Variants in ZMYM1 observed in about 807,000 individuals in gnomAD.
The protein encoded by ZMYM1 is zinc finger MYM-type containing 1.
A neutral mutation model predicts 60.0 loss-of-function variants in ZMYM1; 39 were observed. That is an observed-to-expected ratio of 0.65 (90% CI 0.50 to 0.85). The LOEUF is 0.85. ZMYM1 is among the 40% of genes least tolerant of loss of function. The probability of loss-of-function intolerance (pLI) is 0.00; values close to 1 mark genes in which losing one functional copy is unlikely to be tolerated. For synonymous variants in ZMYM1, 413 were observed against 454.0 expected (o/e 0.91, Z 1.15); for missense variants, 1,171 against 1,309.5 (o/e 0.89, Z 1.63).
chr1:35,105,877 G>A (rs977616843), intron 6 of ZMYM1, among the ~76,000 whole-genome samples: 2 of 152,162 alleles, frequency 1.3e-5, no homozygotes, highest in Non-Finnish European at 2.9e-5. Context: ...AAGGTGCTGG[G>A]ATTACAGATG....
In ZMYM1 at chr1:35,112,992, C is replaced by A. The variant is rs751732524; in HGVS notation, c.1162C>A (p.Pro388Thr). Residue 388 changes from proline (P) to threonine (T), a missense_variant, in exon 10 of 10, where the codon CCT becomes ACT. By Grantham distance (38) the Pro-to-Thr change is conservative. Transcript: ENST00000359858. ...TCTCCCAAAGCTTTCTAAGAGTTCACCTAGTGAACCCAGTAATGCTGTTGC... is the reference window on the plus strand; with the variant it reads ...TCTCCCAAAGCTTTCTAAGAGTTCAACTAGTGAACCCAGTAATGCTGTTGC... ...DVIVDLSKSSPSEPSNAVASS... is the reference protein window; with the variant it reads ...DVIVDLSKSSTSEPSNAVASS... 12 of 1,561,050 alleles carry A rather than the reference C, an allele frequency of 7.7e-6. No homozygotes were observed. Among genetic ancestry groups the A allele is most frequent in the African/African-American group, 1.4e-5 (1 of 72,558 alleles).
upstream of ZMYM1, among the ~76,000 whole-genome samples, chr1:35,077,841 T>C (rs748228640): frequency 1.3e-5 from 2 of 152,232 alleles, no homozygotes; most frequent in Admixed American, 6.5e-5. Context: ...CACAGCTGGC[T>C]CTGCGTGAAT....
At chr1:35,073,250 CAAA>C (rs71029061) in intron 1 of ZMYM1, among the ~76,000 whole-genome samples, 16 of 69,212 alleles carry the variant, frequency 2.3e-4, no homozygotes, top group Admixed American at 3.6e-4. Flanking sequence ...AACACTCTGT[CAAA>C]AAAAAAAAAA....
chr1:35,107,291 G>A (rs1238095558), intron 6 of ZMYM1, among the ~76,000 whole-genome samples: 1 of 145,064 alleles, frequency 6.9e-6, no homozygotes, highest in Non-Finnish European at 1.5e-5. Context: ...AAACCCCATC[G>A]TTACTAAAAA....
intron 1 of ZMYM1, among the ~76,000 whole-genome samples, chr1:35,086,688 T>G (rs189958247): frequency 6.6e-6 from 1 of 152,162 alleles, no homozygotes; most frequent in Admixed American, 6.6e-5. Context: ...AAAATTCTTT[T>G]TTTTTCTTTT....
Position 35,112,018 on chromosome 1 carries a change from A to C in ZMYM1, c.1103-69A>C, listed in dbSNP as rs993046628. ...TTTGTTTCTTATATGAAATAAGCAAATATAGTTTATGATGCTATTTTATAG... is the reference window on the plus strand; with the variant it reads ...TTTGTTTCTTATATGAAATAAGCAACTATAGTTTATGATGCTATTTTATAG... On this transcript the variant is annotated intron_variant, in intron 8 of 9. Transcript: ENST00000359858. 1.9e-6 allele frequency: 3 copies of C among 1,561,932 alleles called. No homozygotes were observed. The African/African-American group carries it at 4.1e-5, about 22-fold the overall frequency.
At chr1:35,066,593 A>G (rs1641976122) in intron 1 of ZMYM1, among the ~76,000 whole-genome samples, 1 of 152,240 alleles carries the variant, frequency 6.6e-6, no homozygotes, top group African/African-American at 2.4e-5. Flanking sequence ...GTATGCTGAA[A>G]GGAATAATGA....
Position 35,112,088 on chromosome 1 carries a change from TAC to T in ZMYM1, c.1106_1107del (p.Thr369SerfsTer16). 6.2e-7 allele frequency: 1 copy of T among 1,613,070 alleles called. No individual in the cohort carries two copies. The highest frequency in any genetic ancestry group is 8.5e-7 in the Non-Finnish European group (1 of 1,179,514). On this transcript the variant is annotated frameshift_variant and splice_region_variant, in exon 9 of 10. Transcript: ENST00000359858. LOFTEE classifies it low-confidence loss of function (END_TRUNC). The part of the protein sequence containing the change: ...PIMNTDVLQD[T>X]VSSVTATADV... ...TGAATTTATGCTCTATTTTAACAGA[TAC>T]AGTTTCTTCAGTAACAGCAACAGCA... is the stretch of plus-strand genomic sequence containing the variant.
intron 1 of ZMYM1, among the ~76,000 whole-genome samples, chr1:35,079,814 C>CA (rs987538331): frequency 6.6e-6 from 1 of 152,074 alleles, no homozygotes; most frequent in Non-Finnish European, 1.5e-5. Context: ...AGTGATTTTT[C>CA]AAAAGTTTGA....
chr1:35,093,477 A>T (rs999215270), intron 1 of ZMYM1: 1 of 152,356 alleles, frequency 6.6e-6, no homozygotes, highest in South Asian at 2.1e-4. Context: ...TTTTTGTATT[A>T]GTAGAGATGG....
chr1:35,114,877 T>G lies in ZMYM1; in HGVS notation c.3047T>G (p.Phe1016Cys). ...ACAACAGCAAAACATGTTCAGGAAT[T>G]TTATAAACTTGATGAGGACATTATC... ...NETTAKHVQE[F>C]YKLDEDIIPE... Residue 1016 changes from phenylalanine to cysteine, a missense_variant, in exon 10 of 10, where the codon TTT (phenylalanine) becomes TGT (cysteine). Coordinates refer to ENST00000359858, the MANE Select transcript of ZMYM1 (RefSeq NM_024772.5). The G allele has an allele frequency of 6.2e-7, 1 of 1,606,542 alleles. No individual in the cohort carries two copies. The highest frequency in any genetic ancestry group is 1.1e-5 in the South Asian group (1 of 89,902).
intron 1 of ZMYM1, among the ~76,000 whole-genome samples, chr1:35,080,385 G>T (rs929906602): frequency 1.3e-5 from 2 of 148,236 alleles, no homozygotes; most frequent in Non-Finnish European, 3.0e-5. Context: ...ACACGATCAC[G>T]GCTCACAAGC....
At chr1:35,080,314 CTTTT>C (rs35214559) in intron 1 of ZMYM1, among the ~76,000 whole-genome samples, 4 of 125,504 alleles carry the variant, frequency 3.2e-5, no homozygotes, top group Admixed American at 1.7e-4. Context: ...ATTTGTGCTT[CTTTT>C]TTTTTTTTTT....
At chr1:35,074,239 A>G (rs980439860) in intron 1 of ZMYM1, among the ~76,000 whole-genome samples, 2 of 152,096 alleles carry the variant, frequency 1.3e-5, no homozygotes, top group African/African-American at 4.8e-5. Context: ...ACTTGCTATG[A>G]TCTCTATCTT....
upstream of ZMYM1, among the ~76,000 whole-genome samples, chr1:35,078,514 A>G (rs887825043): frequency 2.8e-5 from 4 of 143,264 alleles, no homozygotes; most frequent in African/African-American, 1.1e-4. Flanking sequence ...ATTATTTTTG[A>G]CATGCAGTTT....
rs530411279 is a variant in ZMYM1 at position 35,110,597 on chromosome 1, T to C, written c.961+150T>C. On this transcript the variant is annotated intron_variant, in intron 7 of 9. Transcript: ENST00000359858. Reference sequence around the variant, plus strand: ...CTTGTTGCAAAGAACTGTTTTTCAGTATTTTTGTATAAAAGGAAGGCTACT... The same window carrying C: ...CTTGTTGCAAAGAACTGTTTTTCAGCATTTTTGTATAAAAGGAAGGCTACT... The C allele has an allele frequency of 2.2e-4, 151 of 700,956 alleles. 1 individual carries two copies. The highest frequency in any genetic ancestry group is 2.0e-3 in the South Asian group (36 of 17,986). 43.4% of individuals were successfully genotyped at this position (700,956 alleles called of 1,614,324 possible). A position where few individuals can be genotyped will look rare whatever the true frequency, so the allele number is the denominator to read the frequency against.
downstream of ZMYM1, among the ~76,000 whole-genome samples, chr1:35,116,728 G>A (rs191846910): frequency 3.0e-3 from 450 of 151,806 alleles, 2 homozygotes; most frequent in African/African-American, 0.01. Context: ...AAAGTGCTGG[G>A]ATTATGGCAT....
intron 1 of ZMYM1, among the ~76,000 whole-genome samples, chr1:35,072,090 C>T (rs1413073334): frequency 2.6e-5 from 4 of 152,128 alleles, no homozygotes; most frequent in African/African-American, 9.7e-5. Context: ...GCCGAGATCA[C>T]GCCATTGCAT....
At chr1:35,085,607 C>G (rs1642612484) in intron 1 of ZMYM1, among the ~76,000 whole-genome samples, 1 of 152,090 alleles carries the variant, frequency 6.6e-6, no homozygotes, top group Non-Finnish European at 1.5e-5. Flanking sequence ...CTTTCCTGAC[C>G]CTGAAACCAC....
Sources: gnomAD v4.1 joint callset for allele counts (sites outside exome capture counted in the v4.1 genomes callset) on GRCh38, gnomAD v4.1.1 for gene constraint, MANE v1.5 for transcripts, NCBI Gene and HGNC (gene_info 2026-07-23, HGNC 2026-07-21) for gene names.